The following EXOC6B variants were observed in gnomAD, a reference collection of about 807,000 sequenced individuals.
EXOC6B encodes the protein exocyst complex component 6B, also known as SEC15 homolog B.
A neutral mutation model predicts 113.5 loss-of-function variants in EXOC6B; 54 were observed. That is an observed-to-expected ratio of 0.48 (90% CI 0.38 to 0.60). EXOC6B has a LOEUF of 0.60. Ranked by LOEUF, EXOC6B falls within the 20% of genes least tolerant of loss-of-function variation. EXOC6B has a pLI of 0.00. For missense variants in EXOC6B, 797 were observed against 977.5 expected, an observed-to-expected ratio of 0.82 and a Z score of 2.46; for synonymous variants, 357 against 339.0, an observed-to-expected ratio of 1.05 and a Z score of -0.58.
intron 6 of EXOC6B, among the ~76,000 whole-genome samples, chr2:72,658,699 T>C (rs773344694): frequency 1.4e-4 from 21 of 152,132 alleles, no homozygotes; most frequent in Non-Finnish European, 2.5e-4. Context: ...TAAGCGTATA[T>C]ACTTCTATTG....
At chr2:72,609,900 A>G (rs531835621) in intron 6 of EXOC6B, among the ~76,000 whole-genome samples, 7 of 152,270 alleles carry the variant, frequency 4.6e-5, no homozygotes, top group African/African-American at 1.7e-4. Flanking sequence ...TATTTAGGGA[A>G]AAAACAATTT....
chr2:72,572,219 T>C (rs1032714651), intron 7 of EXOC6B, among the ~76,000 whole-genome samples: 9 of 152,180 alleles, frequency 5.9e-5, no homozygotes, highest in African/African-American at 2.2e-4. Flanking sequence ...CATGTTTCCA[T>C]ATCGTCTTGT....
chr2:72,496,607 G>C (rs1224435263), intron 13 of EXOC6B, 48 bp from the exon 14 acceptor site: 7 of 1,169,008 alleles, frequency 6.0e-6, no homozygotes, highest in African/African-American at 4.5e-5. Flanking sequence ...AGACAAAGTG[G>C]GGGGGTAGGG....
intron 19 of EXOC6B, among the ~76,000 whole-genome samples, chr2:72,347,054 T>C (rs1332036209): frequency 6.6e-6 from 1 of 152,192 alleles, no homozygotes; most frequent in Non-Finnish European, 1.5e-5. Flanking sequence ...AAAACAAATA[T>C]TCACTTTACA....
At chr2:72,187,275 C>T (rs1434753214) in intron 20 of EXOC6B, among the ~76,000 whole-genome samples, 11 of 152,096 alleles carry the variant, frequency 7.2e-5, no homozygotes, top group African/African-American at 2.7e-4. Context: ...CTGGGCTCTA[C>T]AAAGGGCTGC....
chr2:72,241,666 A>G (rs996424930), intron 20 of EXOC6B, among the ~76,000 whole-genome samples: 2 of 152,162 alleles, frequency 1.3e-5, no homozygotes, highest in African/African-American at 4.8e-5. Flanking sequence ...TAAGAATTAC[A>G]TCTGACTTTT....
intron 7 of EXOC6B, among the ~76,000 whole-genome samples, chr2:72,573,974 G>C (rs1472787093): frequency 6.6e-6 from 1 of 152,034 alleles, no homozygotes; most frequent in Admixed American, 6.6e-5. Flanking sequence ...AAATTCACCA[G>C]GCATGGTGGC....
At chr2:72,761,806 A>T (rs1280485495) in intron 1 of EXOC6B, among the ~76,000 whole-genome samples, 1 of 152,102 alleles carries the variant, frequency 6.6e-6, no homozygotes, top group Non-Finnish European at 1.5e-5. Context: ...AACCACAATG[A>T]AAAGTAATTA....
intron 20 of EXOC6B, among the ~76,000 whole-genome samples, chr2:72,192,555 T>C (rs1475336325): frequency 6.6e-6 from 1 of 152,140 alleles, no homozygotes; most frequent in African/African-American, 2.4e-5. Context: ...TGGGTCTTAG[T>C]AGGCAGCATG....
At chr2:72,533,781 C>T (rs1435551955) in intron 8 of EXOC6B, among the ~76,000 whole-genome samples, 1 of 152,068 alleles carries the variant, frequency 6.6e-6, no homozygotes, top group Non-Finnish European at 1.5e-5. Context: ...AAAAATAATG[C>T]CAATGTATTT....
At chr2:72,263,641 A>T (rs1409504474) in intron 20 of EXOC6B, among the ~76,000 whole-genome samples, 1 of 152,244 alleles carries the variant, frequency 6.6e-6, no homozygotes, top group African/African-American at 2.4e-5. Context: ...GAGGTTGAAT[A>T]AAGCAATTCT....
In EXOC6B at chr2:72,743,823, T is replaced by G. The variant is rs114216172; in HGVS notation, c.114-2354A>C. On this transcript the variant is annotated intron_variant, in intron 1 of 21. Coordinates refer to ENST00000272427, the MANE Select transcript of EXOC6B (RefSeq NM_015189.3). ...ATCCTTTCTGGGTACTGGATCACTA[T>G]GCTGATCCTCTGGATCAGAAACCAC... Among the ~76,000 whole-genome samples, 1,254 of 152,338 alleles carry G rather than the reference T, an allele frequency of 8.2e-3. 8 individuals are homozygous for G. Among genetic ancestry groups the G allele is most frequent in the South Asian group, 0.037 (178 of 4,826 alleles).
At chr2:72,613,397 TAATTG>T (rs922575280) in intron 6 of EXOC6B, among the ~76,000 whole-genome samples, 2 of 151,976 alleles carry the variant, frequency 1.3e-5, no homozygotes, top group African/African-American at 4.8e-5. Flanking sequence ...ATAAGGAAGT[TAATTG>T]AATTAATGAA....
intron 6 of EXOC6B, among the ~76,000 whole-genome samples, chr2:72,648,511 C>G (rs1179219864): frequency 6.6e-6 from 1 of 152,162 alleles, no homozygotes; most frequent in Non-Finnish European, 1.5e-5. Context: ...TTCACAATAG[C>G]AAAATCTTGG....
Position 72,179,215 on chromosome 2 carries a change from A to G in EXOC6B, c.*120T>C. ...TTATGTGAATACTGCACAGGGGTTA[A>G]TAAAAAAATACATATGCTCTCTTTG... On this transcript the variant is annotated 3_prime_UTR_variant, in exon 22 of 22. Transcript: ENST00000272427. The G allele has an allele frequency of 8.4e-7, 1 of 1,186,760 alleles. No individual in the cohort carries two copies. Among genetic ancestry groups the G allele is most frequent in the Non-Finnish European group, 1.2e-6 (1 of 865,304 alleles). The allele number at this position is 1,186,760 out of a possible 1,614,324, so 73.5% of individuals were successfully genotyped here.
At chr2:72,320,636 T>C (rs961670005) in intron 20 of EXOC6B, among the ~76,000 whole-genome samples, 1 of 152,120 alleles carries the variant, frequency 6.6e-6, no homozygotes. Flanking sequence ...GATGAAAACA[T>C]AGGAAACAGA....
chr2:72,738,055 C>T (rs956249623), intron 2 of EXOC6B, among the ~76,000 whole-genome samples: 26 of 151,852 alleles, frequency 1.7e-4, no homozygotes, highest in African/African-American at 6.1e-4. Flanking sequence ...CATGTTCCCC[C>T]AAAAACACTC....
At chr2:72,747,483 A>T (rs149643957) in intron 1 of EXOC6B, among the ~76,000 whole-genome samples, 62 of 152,164 alleles carry the variant, frequency 4.1e-4, no homozygotes, top group African/African-American at 1.2e-3. Flanking sequence ...GGAAAATGGA[A>T]AACACTCGGC....
At position 72,178,722 on chromosome 2, in the gene EXOC6B, A is replaced by G. The variant is rs997509870; in HGVS notation, c.*613T>C. On this transcript the variant is annotated 3_prime_UTR_variant, in exon 22 of 22. Coordinates refer to ENST00000272427, the MANE Select transcript of EXOC6B (RefSeq NM_015189.3). Reference sequence around the variant, plus strand: ...AATTGCAATAAAAGCCTGGGGTTAGATCAGGCTAAAGAAACCGCCATTCTT... The same window carrying G: ...AATTGCAATAAAAGCCTGGGGTTAGGTCAGGCTAAAGAAACCGCCATTCTT... The G allele has an allele frequency of 2.6e-5, 4 of 152,244 alleles. No homozygotes were observed. The highest frequency in any genetic ancestry group is 9.6e-5 in the African/African-American group (4 of 41,462). The allele number at this position is 152,244 out of a possible 1,614,324, so 9.4% of individuals were successfully genotyped here. A position where few individuals can be genotyped will look rare whatever the true frequency, so the allele number is the denominator to read the frequency against.
Sources: gnomAD v4.1 joint callset for allele counts (sites outside exome capture counted in the v4.1 genomes callset) on GRCh38, gnomAD v4.1.1 for gene constraint, MANE v1.5 for transcripts, NCBI Gene and HGNC (gene_info 2026-07-23, HGNC 2026-07-21) for gene names.